Variants in TJP1 observed in about 807,000 individuals in gnomAD.
The protein encoded by TJP1 is tight junction protein ZO-1.
TJP1 carries 43 observed loss-of-function variants against 194.2 expected under a neutral mutation model. That is an observed-to-expected ratio of 0.22 (90% CI 0.17 to 0.29). The LOEUF (loss-of-function observed/expected upper bound fraction) is 0.29, where lower values mean the gene tolerates loss of function less well. Among genes scored for constraint, TJP1 ranks in the 10% least tolerant of loss-of-function variants. The pLI is 1.00. For synonymous variants in TJP1, 801 were observed against 779.0 expected (o/e 1.03, Z -0.47); for missense variants, 1,971 against 2,185.7 (o/e 0.90, Z 1.96).
chr15:29,893,724 A>G (rs1041511939), intron 2 of TJP1, among the ~76,000 whole-genome samples: 2 of 152,258 alleles, frequency 1.3e-5, no homozygotes, highest in Non-Finnish European at 2.9e-5. Context: ...AATAAACTAT[A>G]GTATAGTGCA....
intron 5 of TJP1, among the ~76,000 whole-genome samples, chr15:29,763,319 C>A (rs907698291): frequency 3.3e-5 from 5 of 152,178 alleles, no homozygotes; most frequent in Non-Finnish European, 7.3e-5. Context: ...ACAATGACTA[C>A]AACTATCAAT....
intron 2 of TJP1, among the ~76,000 whole-genome samples, chr15:29,930,537 G>T (rs935561500): frequency 2.0e-5 from 3 of 148,872 alleles, no homozygotes; most frequent in Admixed American, 1.3e-4. Context: ...ACTCATTCCT[G>T]ATACAAACAC....
chr15:29,905,992 C>A (rs916220671), intron 2 of TJP1, among the ~76,000 whole-genome samples: 2 of 152,118 alleles, frequency 1.3e-5, no homozygotes, highest in African/African-American at 4.8e-5. Flanking sequence ...CAAGAGTGAA[C>A]CCAAATGTAA....
chr15:29,906,689 C>T (rs1023576515), intron 2 of TJP1, among the ~76,000 whole-genome samples: 4 of 151,588 alleles, frequency 2.6e-5, no homozygotes, highest in Non-Finnish European at 5.9e-5. Flanking sequence ...AAGCGATTTT[C>T]GTGCCTCAGC....
At chr15:29,950,142 C>T (rs1237343492) in intron 2 of TJP1, among the ~76,000 whole-genome samples, 1 of 87,354 alleles carries the variant, frequency 1.1e-5, no homozygotes, top group Non-Finnish European at 2.6e-5. Context: ...ACCACCACCA[C>T]AACCACCACC....
intron 15 of TJP1, 114 bp from the exon 16 acceptor site, chr15:29,728,133 A>C (rs2151204792): frequency 1.3e-6 from 1 of 792,266 alleles, no homozygotes; most frequent in Non-Finnish European, 2.1e-6. Flanking sequence ...TTGTTTGTGG[A>C]AACTGTCTTA....
intron 2 of TJP1, among the ~76,000 whole-genome samples, chr15:29,793,393 T>A (rs985342470): frequency 2.2e-4 from 33 of 152,202 alleles, no homozygotes; most frequent in African/African-American, 7.5e-4. Context: ...ATGTGATGTA[T>A]CGCATTTACA....
intron 1 of TJP1, among the ~76,000 whole-genome samples, chr15:29,803,472 A>T (rs937614928): frequency 2.0e-5 from 3 of 152,140 alleles, no homozygotes; most frequent in East Asian, 1.9e-4. Flanking sequence ...GGCTGGGCTA[A>T]GCTTATGATA....
rs141195905 is a variant in TJP1, at chr15:29,956,443, C to CA, written c.174-80dup. ...CTCAAGTTTGAGGTAAGCATTTACT[C>CA]AAAGGCAGCTTTGGAAATGTCACAC... On this transcript the variant is annotated intron_variant, in intron 1 of 28. Transcript: ENST00000356107. 17,336 of 1,202,948 alleles carry CA rather than the reference C, an allele frequency of 0.014. 986 individuals are homozygous for CA. In the African/African-American group the frequency reaches 0.17, roughly 12 times the overall value. The allele number at this position is 1,202,948 out of a possible 1,614,324, so 74.5% of individuals were successfully genotyped here.
chr15:29,712,544 G>T (rs1400255397), intron 23 of TJP1, among the ~76,000 whole-genome samples: 1 of 152,136 alleles, frequency 6.6e-6, no homozygotes, highest in Non-Finnish European at 1.5e-5. Flanking sequence ...CCATAATTTG[G>T]TCTATAAAGG....
Position 29,700,296 on chromosome 15 carries a change from G to A in TJP1, c.*1299C>T, listed in dbSNP as rs1353652831. ...TCGTGCTGATGTGCCATAATAAATT[G>A]TCTATTAGTAAAAAAATACACTTTA... On this transcript the variant is annotated 3_prime_UTR_variant, in exon 28 of 28. Transcript: ENST00000614355. The A allele has an allele frequency of 2.5e-6, 1 of 398,714 alleles. No homozygotes were observed. The highest frequency in any genetic ancestry group is 4.4e-6 in the Non-Finnish European group (1 of 226,028). 24.7% of individuals were successfully genotyped at this position (398,714 alleles called of 1,614,324 possible). A position where few individuals can be genotyped will look rare whatever the true frequency, so the allele number is the denominator to read the frequency against.
chr15:29,877,717 G>A (rs192978785), intron 2 of TJP1, among the ~76,000 whole-genome samples: 239 of 151,488 alleles, frequency 1.6e-3, no homozygotes, highest in African/African-American at 5.7e-3. Flanking sequence ...GGAGTGCAGT[G>A]GCACAATCTT....
chr15:29,960,800 C>T (rs894736433), intron 1 of TJP1, among the ~76,000 whole-genome samples: 1 of 152,010 alleles, frequency 6.6e-6, no homozygotes, highest in African/African-American at 2.4e-5. Context: ...AAAGCTTTGA[C>T]CAGATCTTTG....
chr15:29,942,076 T>C (rs2055099675), intron 2 of TJP1, among the ~76,000 whole-genome samples: 1 of 152,194 alleles, frequency 6.6e-6, no homozygotes, highest in African/African-American at 2.4e-5. Context: ...CACAAAATAT[T>C]TGTTAAACCA....
chr15:29,730,498 G>A (rs575578673), intron 15 of TJP1, among the ~76,000 whole-genome samples: 1 of 151,874 alleles, frequency 6.6e-6, no homozygotes, highest in Non-Finnish European at 1.5e-5. Flanking sequence ...TTGGAAGGCC[G>A]AGGTGTGTGG....
rs999523982 is a variant in TJP1, at chr15:29,888,448, A to G, written c.306+67784T>C. Among the ~76,000 whole-genome samples the G allele has an allele frequency of 7.9e-5, 12 of 152,340 alleles. No homozygotes were observed. The East Asian group carries it at 2.3e-3, about 29-fold the overall frequency. Reference sequence around the variant, plus strand: ...GAGGCTAAGACATCAATGTATTATTACCATTTGTTTCAAAGTGTAATATAA... The same window carrying G: ...GAGGCTAAGACATCAATGTATTATTGCCATTTGTTTCAAAGTGTAATATAA... On this transcript the variant is annotated intron_variant, in intron 2 of 28. Transcript: ENST00000356107.
intron 2 of TJP1, among the ~76,000 whole-genome samples, chr15:29,793,026 T>C (rs535730867): frequency 6.6e-6 from 1 of 152,346 alleles, no homozygotes; most frequent in African/African-American, 2.4e-5. Context: ...CTTAGGTTTT[T>C]CTAAATTTAA....
rs142093821 is a variant in TJP1, at chr15:29,931,858, T to A, written c.306+24374A>T. On this transcript the variant is annotated intron_variant, in intron 2 of 28. Coordinates refer to the TJP1 transcript ENST00000356107. ...GGCTGCTGGTTGCCCATTTTTATGG[T>A]TACTTCTTGAATATATGCTAAACAA... 9.0e-3 allele frequency among the ~76,000 whole-genome samples: 1,369 copies of A among 152,328 alleles called. 9 individuals are homozygous for A. The highest frequency in any genetic ancestry group is 0.014 in the Non-Finnish European group (962 of 68,024).
At chr15:29,765,025 G>A (rs749496848) in intron 5 of TJP1, among the ~76,000 whole-genome samples, 1 of 152,124 alleles carries the variant, frequency 6.6e-6, no homozygotes, top group African/African-American at 2.4e-5. Flanking sequence ...GGCAGGGTGA[G>A]GAGAATGAGC....
Sources: allele counts gnomAD v4.1 joint callset (sites outside exome capture counted in the v4.1 genomes callset), GRCh38; gene constraint gnomAD v4.1.1; transcripts MANE v1.5; gene names NCBI Gene and HGNC (gene_info 2026-07-23, HGNC 2026-07-21).